ARHGEF19: variants seen among roughly 807,000 people sequenced by gnomAD.
ARHGEF19 encodes the protein Rho guanine nucleotide exchange factor (GEF) 19.
ARHGEF19 carries 92 observed loss-of-function variants against 87.6 expected under a neutral mutation model. The observed-to-expected ratio is 1.05, with a 90% CI of 0.89 to 1.25. ARHGEF19 has a LOEUF of 1.25. Among genes scored for constraint, ARHGEF19 ranks in the 50% most tolerant of loss-of-function variants. The pLI is 0.00. For synonymous variants in ARHGEF19, 438 were observed against 446.2 expected, an observed-to-expected ratio of 0.98 and a Z score of 0.23; for missense variants, 1,054 against 1,051.8, an observed-to-expected ratio of 1.00 and a Z score of -0.03.
In ARHGEF19 at chr1:16,205,879, C is replaced by G. The variant is rs1270972248; in HGVS notation, c.1451+52G>C. The G allele has an allele frequency of 1.9e-6, 3 of 1,559,346 alleles. No individual in the cohort carries two copies. In the South Asian group the frequency reaches 3.5e-5, roughly 18 times the overall value. On this transcript the variant is annotated intron_variant, in intron 8 of 15. Transcript: ENST00000270747. This position sits in a 1 kb window ranked among gnomAD's most constrained non-coding sequence, Gnocchi z 5.8. ...GTCACCCAGCCCTCAGTGCCTACAC[C>G]TGCCTGAGACTCCCTCCACGCCCCC...
In ARHGEF19 at chr1:16,207,988, G is replaced by A. The variant is rs755744201; in HGVS notation, c.650C>T (p.Ala217Val). ...SSLRLGRNSA[A>V]RALISGSGTG... ...GCCTGACCCAGAGATGAGTGCCCGG[G>A]CTGCTGAATTCCGCCCCAGGCGCAG... Residue 217 changes from alanine (A) to valine (V), a missense_variant, in exon 3 of 16, where the codon GCC becomes GTC. Coordinates refer to ENST00000270747, the MANE Select transcript of ARHGEF19 (RefSeq NM_153213.5). This position sits in a 1 kb window ranked among gnomAD's most constrained non-coding sequence, Gnocchi z 4.0. 1 of 1,612,592 alleles carries A rather than the reference G, an allele frequency of 6.2e-7. No individual in the cohort carries two copies. The highest frequency in any genetic ancestry group is 8.5e-7 in the Non-Finnish European group (1 of 1,179,902).
chr1:16,206,596 C>T lies in ARHGEF19; in HGVS notation c.1138-256G>A. The T allele has an allele frequency of 1.9e-6, 1 of 535,290 alleles. No individual in the cohort carries two copies. The highest frequency in any genetic ancestry group is 3.3e-6 in the Non-Finnish European group (1 of 298,610). The allele number at this position is 535,290 out of a possible 1,614,324, so 33.2% of individuals were successfully genotyped here. A position where few individuals can be genotyped will look rare whatever the true frequency, so the allele number is the denominator to read the frequency against. ...TCTTCCCAGAGCCCCGCCCACCCCC[C>T]AGGTCCCGCCCCTGATCCTGGCCCC... On this transcript the variant is annotated intron_variant, in intron 6 of 15. Transcript: ENST00000270747. The surrounding 1 kb of genome is among the most constrained non-coding windows in gnomAD (Gnocchi z 4.6).
intron 13 of ARHGEF19, 79 bp from the exon 14 acceptor site, chr1:16,201,940 G>A: frequency 6.9e-7 from 1 of 1,458,850 alleles, no homozygotes; most frequent in Middle Eastern, 1.7e-4. Flanking sequence ...CAAGGCTGGG[G>A]GAGCCAGACA....
Position 16,198,539 on chromosome 1 carries a change from CATCCAGG to C in ARHGEF19, c.*41_*47del, listed in dbSNP as rs2081058522. The C allele has an allele frequency of 6.4e-7, 1 of 1,551,524 alleles. No homozygotes were observed. Among genetic ancestry groups the C allele is most frequent in the Non-Finnish European group, 8.7e-7 (1 of 1,147,328 alleles). ...GAGACACTGCAGGCCCCTCCAGGAC[CATCCAGG>C]AGCCAGGCATGGAGGTGGGGTCCTA... On this transcript the variant is annotated 3_prime_UTR_variant, in exon 16 of 16. Coordinates refer to ENST00000270747, the MANE Select transcript of ARHGEF19 (RefSeq NM_153213.5). This position sits in a 1 kb window ranked among gnomAD's most constrained non-coding sequence, Gnocchi z 4.1.
chr1:16,203,177 A>G (rs1357406991), intron 12 of ARHGEF19, among the ~76,000 whole-genome samples: 2 of 140,904 alleles, frequency 1.4e-5, no homozygotes, highest in Admixed American at 7.9e-5. Flanking sequence ...ACTTGTAGGC[A>G]GGATGGGTGG....
In ARHGEF19 at chr1:16,198,621, C is replaced by T. The variant is rs771834766; in HGVS notation, c.2375G>A (p.Ser792Asn). ...RNLRENKRVT[S>N]ATSKLGEAPV Reference sequence around the variant, plus strand: ...AGCCTCCCCCAGTTTGCTGGTGGCACTTGTGACTCGCTTATTCTCCCGGAG... The same window carrying T: ...AGCCTCCCCCAGTTTGCTGGTGGCATTTGTGACTCGCTTATTCTCCCGGAG... Residue 792 changes from serine to asparagine, a missense_variant, in exon 16 of 16, where the codon AGT becomes AAT. Coordinates refer to ENST00000270747, the MANE Select transcript of ARHGEF19 (RefSeq NM_153213.5). This position sits in a 1 kb window ranked among gnomAD's most constrained non-coding sequence, Gnocchi z 4.1. 1.3e-4 allele frequency: 207 copies of T among 1,613,188 alleles called. 2 individuals carry two copies. The East Asian group carries it at 4.5e-3, about 35-fold the overall frequency.
At chr1:16,199,392 G>T in intron 14 of ARHGEF19, 138 bp from the exon 15 acceptor site, 1 of 690,408 alleles carries the variant, frequency 1.4e-6, no homozygotes, top group Non-Finnish European at 2.6e-6. Flanking sequence ...CTCTGCCACT[G>T]CCATGCCACA....
In ARHGEF19 at chr1:16,205,343, C is replaced by T. The variant is rs1032312065; in HGVS notation, c.1656+8G>A. ...GGAGCCAAGCAGCCCCTGCCCTGCC[C>T]AGCTCACCTCCTTGAGCGCATTGAA... On this transcript the variant is annotated splice_region_variant and intron_variant, in intron 10 of 15. Transcript: ENST00000270747. The surrounding 1 kb of genome is among the most constrained non-coding windows in gnomAD (Gnocchi z 5.8). 6.2e-7 allele frequency: 1 copy of T among 1,613,918 alleles called. No homozygotes were observed. Among genetic ancestry groups the T allele is most frequent in the Admixed American group, 1.7e-5 (1 of 60,004 alleles).
At chr1:16,199,832 C>T (rs976015267) in intron 14 of ARHGEF19, among the ~76,000 whole-genome samples, 9 of 151,922 alleles carry the variant, frequency 5.9e-5, no homozygotes, top group African/African-American at 1.7e-4. Context: ...TCCCTCCCTA[C>T]TCTCCCCTCC....
In ARHGEF19 at chr1:16,208,593, C is replaced by T. The variant is rs760378878; in HGVS notation, c.412+50G>A. 6.8e-5 allele frequency: 105 copies of T among 1,540,642 alleles called. 1 individual carries two copies. The highest frequency in any genetic ancestry group is 8.1e-5 in the Non-Finnish European group (93 of 1,151,640). On this transcript the variant is annotated intron_variant, in intron 2 of 15. Transcript: ENST00000270747. ...GGTTAAGGAGCTGCCCAGCCCCTCC[C>T]CTATCCCCCTGCCATGGCACCCACA...
chr1:16,201,903 C>A (rs768735917), intron 13 of ARHGEF19, 42 bp from the exon 14 acceptor site: 1 of 1,600,120 alleles, frequency 6.2e-7, no homozygotes, highest in East Asian at 2.2e-5. Context: ...ATGCAAAGTG[C>A]AGTTGCCCAG....
Position 16,202,512 on chromosome 1 carries a change from C to A in ARHGEF19, c.1970G>T (p.Ser657Ile), listed in dbSNP as rs1386285970. ...GCCGGGGATGCCCTGCAGCTTCAGG[C>A]TCAGGTCCCGCACCTGCAGCTCAGC... ...KMAELQVRDLSLKLQGIPGHV... is the reference protein window; with the variant it reads ...KMAELQVRDLILKLQGIPGHV... The change falls in exon 13 of 16, where the codon AGC (serine) becomes ATC (isoleucine). Residue 657 changes from serine to isoleucine, a missense_variant. Transcript: ENST00000270747. 5.6e-6 allele frequency: 9 copies of A among 1,614,204 alleles called. No homozygotes were observed. The highest frequency in any genetic ancestry group is 7.6e-6 in the Non-Finnish European group (9 of 1,180,030).
In ARHGEF19 at chr1:16,208,206, G is replaced by A; in HGVS notation, c.432C>T (p.Tyr144=). 2 of 1,612,976 alleles carry A rather than the reference G, an allele frequency of 1.2e-6. No individual in the cohort carries two copies. The highest frequency in any genetic ancestry group is 1.7e-6 in the Non-Finnish European group (2 of 1,179,506). The change falls in exon 3 of 16, where the codon TAC becomes TAT. Residue 144 remains tyrosine (Y), a synonymous_variant. Coordinates refer to ENST00000270747, the MANE Select transcript of ARHGEF19 (RefSeq NM_153213.5). The part of the protein sequence containing the change: ...KKSAWRKMRV[Y]QREEVPGCPE... ...GGCAGCCGGGGACCTCTTCACGCTGGTACACCCGCATCTTGCGCCCTAGGG... is the reference window on the plus strand; with the variant it reads ...GGCAGCCGGGGACCTCTTCACGCTGATACACCCGCATCTTGCGCCCTAGGG...
intron 13 of ARHGEF19, 77 bp downstream of exon 13, chr1:16,202,339 G>A (rs1050846915): frequency 1.1e-5 from 9 of 817,408 alleles, no homozygotes; most frequent in East Asian, 3.4e-5. Context: ...CCATGGGGAC[G>A]GGGTGCCCAT....
chr1:16,209,780 C>A (rs2081181776), intron 1 of ARHGEF19, among the ~76,000 whole-genome samples: 2 of 152,252 alleles, frequency 1.3e-5, no homozygotes. Flanking sequence ...GTTTCTCCCC[C>A]CATCTCCCCG....
At chr1:16,202,972 G>T (rs911039365) in intron 12 of ARHGEF19, among the ~76,000 whole-genome samples, 1 of 152,082 alleles carries the variant, frequency 6.6e-6, no homozygotes, top group Non-Finnish European at 1.5e-5. Flanking sequence ...CGCCTTCCAG[G>T]TTCAAGCGAT....
Position 16,206,367 on chromosome 1 carries a change from A to C in ARHGEF19, c.1138-27T>G. 6.4e-7 allele frequency: 1 copy of C among 1,566,140 alleles called. No homozygotes were observed. On this transcript the variant is annotated intron_variant, in intron 6 of 15. Transcript: ENST00000270747. This position sits in a 1 kb window ranked among gnomAD's most constrained non-coding sequence, Gnocchi z 4.6. The stretch of plus-strand genomic sequence containing the variant: ...TGAGGGAGGGCACACACGGGGTCGA[A>C]AGGGCAGGACCAGTTCACCTCGGAG...
At position 16,206,841 on chromosome 1, in the gene ARHGEF19, AC is replaced by A; in HGVS notation, c.1137+106del. 1 of 1,294,924 alleles carries A rather than the reference AC, an allele frequency of 7.7e-7. No homozygotes were observed. Among genetic ancestry groups the A allele is most frequent in the East Asian group, 3.1e-5 (1 of 32,434 alleles). The allele number at this position is 1,294,924 out of a possible 1,614,324, so 80.2% of individuals were successfully genotyped here. A position where few individuals can be genotyped will look rare whatever the true frequency, so the allele number is the denominator to read the frequency against. Reference sequence around the variant, plus strand: ...TTCCGCGCGGACAGTCGCGCCAGCAACCCCCTTTGTGTGTCCCCCTCCCTCT... The same window carrying A: ...TTCCGCGCGGACAGTCGCGCCAGCAACCCCTTTGTGTGTCCCCCTCCCTCT... On this transcript the variant is annotated intron_variant, in intron 6 of 15. Transcript: ENST00000270747. This position sits in a 1 kb window ranked among gnomAD's most constrained non-coding sequence, Gnocchi z 4.6.
Position 16,205,217 on chromosome 1 carries a change from C to T in ARHGEF19, c.1657-41G>A. On this transcript the variant is annotated intron_variant, in intron 10 of 15. Transcript: ENST00000270747. This position sits in a 1 kb window ranked among gnomAD's most constrained non-coding sequence, Gnocchi z 5.8. Reference sequence around the variant, plus strand: ...GGAGGTCACCTGCAGCCCCTCAGCTCCGGCTCCCAGAGCCCAGCCTCAGAC... The same window carrying T: ...GGAGGTCACCTGCAGCCCCTCAGCTTCGGCTCCCAGAGCCCAGCCTCAGAC... 1 of 1,592,142 alleles carries T rather than the reference C, an allele frequency of 6.3e-7. No homozygotes were observed. The highest frequency in any genetic ancestry group is 8.6e-7 in the Non-Finnish European group (1 of 1,168,442).
Sources: allele counts gnomAD v4.1 joint callset (sites outside exome capture counted in the v4.1 genomes callset), GRCh38; gene constraint gnomAD v4.1.1; non-coding constraint Gnocchi (gnomAD v3.1); transcripts MANE v1.5; gene names NCBI Gene and HGNC (gene_info 2026-07-23, HGNC 2026-07-21).